TAFA1: variants seen among roughly 807,000 people sequenced by gnomAD.
TAFA1 encodes chemokine-like protein TAFA-1.
A neutral mutation model predicts 18.5 loss-of-function variants in TAFA1; 4 were observed. The observed-to-expected ratio is 0.22, with a 90% CI of 0.11 to 0.49. The LOEUF (loss-of-function observed/expected upper bound fraction) is 0.49. Among genes scored for constraint, TAFA1 ranks in the 20% least tolerant of loss-of-function variants. The pLI is 0.98. For missense variants in TAFA1, 147 were observed against 169.0 expected (o/e 0.87, Z 0.72); for synonymous variants, 56 against 55.2 (o/e 1.01, Z -0.06).
rs370457851 is a variant in TAFA1, at chr3:68,380,231, C to T, written c.119-37049C>T. Among the ~76,000 whole-genome samples the T allele has an allele frequency of 3.8e-3, 575 of 151,840 alleles. 1 individual carries two copies. Among genetic ancestry groups the T allele is most frequent in the African/African-American group, 0.013 (520 of 41,476 alleles). On this transcript the variant is annotated intron_variant, in intron 2 of 4. Coordinates refer to ENST00000478136, the MANE Select transcript of TAFA1 (RefSeq NM_213609.4). ...TGAATACTGCCGCAATAAACATACG[C>T]GTGCATGTGTCTTTATAGCAGCATG...
intron 2 of TAFA1, among the ~76,000 whole-genome samples, chr3:68,413,812 T>C (rs1476609672): frequency 6.6e-6 from 1 of 152,068 alleles, no homozygotes; most frequent in Non-Finnish European, 1.5e-5. Flanking sequence ...GTATGATTTA[T>C]TTTAAGTAGA....
intron 2 of TAFA1, among the ~76,000 whole-genome samples, chr3:68,268,518 TATC>T (rs924385690): frequency 6.6e-6 from 1 of 152,072 alleles, no homozygotes; most frequent in Non-Finnish European, 1.5e-5. Flanking sequence ...TGATGGGTAT[TATC>T]ATCATTTTTT....
chr3:68,520,327 A>G (rs1272279880), intron 3 of TAFA1, among the ~76,000 whole-genome samples: 1 of 152,222 alleles, frequency 6.6e-6, no homozygotes, highest in African/African-American at 2.4e-5. Context: ...TGATTTTAAA[A>G]GAACAATAAA....
the TAFA1 span, among the ~76,000 whole-genome samples, chr3:67,998,839 T>C: frequency 6.6e-6 from 1 of 152,202 alleles, no homozygotes; most frequent in African/African-American, 2.4e-5. Context: ...TATCAACCCA[T>C]AGGAAACCAT....
chr3:68,488,601 A>G (rs1021767731), intron 3 of TAFA1, among the ~76,000 whole-genome samples: 4 of 152,152 alleles, frequency 2.6e-5, no homozygotes, highest in Admixed American at 2.6e-4. Flanking sequence ...ATCTTGAGAA[A>G]ATTCCTCAAA....
chr3:68,493,882 G>T (rs890214217), intron 3 of TAFA1, among the ~76,000 whole-genome samples: 5 of 152,146 alleles, frequency 3.3e-5, no homozygotes, highest in Admixed American at 2.6e-4. Context: ...AATTTGTATT[G>T]ACCCTTTCCC....
intron 2 of TAFA1, among the ~76,000 whole-genome samples, chr3:68,056,852 G>A (rs537903992): frequency 6.6e-6 from 1 of 152,278 alleles, no homozygotes; most frequent in East Asian, 1.9e-4. Flanking sequence ...TTGGCAGCAG[G>A]AATTTGGTGG....
intron 2 of TAFA1, among the ~76,000 whole-genome samples, chr3:68,373,129 A>T (rs2069744688): frequency 6.6e-6 from 1 of 152,174 alleles, no homozygotes; most frequent in South Asian, 2.1e-4. Context: ...CCTGGCACAT[A>T]GCAGGCACAG....
chr3:68,035,429 A>G (rs982694281), intron 2 of TAFA1, among the ~76,000 whole-genome samples: 1 of 152,208 alleles, frequency 6.6e-6, no homozygotes, highest in Non-Finnish European at 1.5e-5. Flanking sequence ...TATCATTAAT[A>G]CTAACTTATT....
intron 2 of TAFA1, among the ~76,000 whole-genome samples, chr3:68,200,781 T>G (rs2066461650): frequency 6.6e-6 from 1 of 151,634 alleles, no homozygotes. Context: ...ATTATCATTT[T>G]AATTATCTTT....
intron 2 of TAFA1, among the ~76,000 whole-genome samples, chr3:68,255,474 A>G (rs757061223): frequency 1.3e-5 from 2 of 152,042 alleles, no homozygotes; most frequent in African/African-American, 2.4e-5. Context: ...TTAGTGTACA[A>G]TCAGTAATCA....
At chr3:68,385,229 G>A (rs988367108) in intron 2 of TAFA1, among the ~76,000 whole-genome samples, 8 of 152,066 alleles carry the variant, frequency 5.3e-5, no homozygotes, top group African/African-American at 1.7e-4. Context: ...GAGGAAGGTG[G>A]AAAGAACTGT....
At chr3:68,213,452 A>G (rs1235826314) in intron 2 of TAFA1, among the ~76,000 whole-genome samples, 3 of 152,050 alleles carry the variant, frequency 2.0e-5, no homozygotes, top group Admixed American at 2.0e-4. Flanking sequence ...GCTTGGCTGT[A>G]TGTAGTTAAG....
intron 2 of TAFA1, among the ~76,000 whole-genome samples, chr3:68,050,578 T>C (rs9309938): frequency 0.51 from 77,555 of 151,948 alleles, 20,180 homozygotes; most frequent in South Asian, 0.64. Flanking sequence ...AGCCCTACCT[T>C]TGTGCTGGCT....
At chr3:68,332,708 C>T (rs1242531976) in intron 2 of TAFA1, among the ~76,000 whole-genome samples, 4 of 152,134 alleles carry the variant, frequency 2.6e-5, no homozygotes, top group African/African-American at 9.7e-5. Context: ...ATCAAAATCA[C>T]TGTGATATCA....
chr3:68,482,725 G>A lies in TAFA1; in HGVS notation c.260-56031G>A, dbSNP rs1447990247. On this transcript the variant is annotated intron_variant, in intron 3 of 4. Transcript: ENST00000478136. ...CAGGCTGACATTAACATAGTTCTGAGCCAATTTAAACAACACATTCTTGTA... is the reference window on the plus strand; with the variant it reads ...CAGGCTGACATTAACATAGTTCTGAACCAATTTAAACAACACATTCTTGTA... Among the ~76,000 whole-genome samples, 4 of 152,296 alleles carry A rather than the reference G, an allele frequency of 2.6e-5. No homozygotes were observed. The Middle Eastern group carries it at 0.01, about 389-fold the overall frequency.
upstream of TAFA1, among the ~76,000 whole-genome samples, chr3:67,999,771 G>A (rs1004058024): frequency 6.6e-6 from 1 of 151,468 alleles, no homozygotes; most frequent in Non-Finnish European, 1.5e-5. Flanking sequence ...CACAGGACAA[G>A]GTGGTCACCC....
At chr3:68,107,605 C>T (rs1328653391) in intron 2 of TAFA1, among the ~76,000 whole-genome samples, 2 of 152,046 alleles carry the variant, frequency 1.3e-5, no homozygotes, top group African/African-American at 4.8e-5. Context: ...ATTGTTTGGA[C>T]CTGAAAGGTA....
intron 2 of TAFA1, among the ~76,000 whole-genome samples, chr3:68,212,014 C>T (rs1170117167): frequency 6.6e-6 from 1 of 151,904 alleles, no homozygotes; most frequent in East Asian, 1.9e-4. Context: ...AAATAGACTG[C>T]CATGAGCTTC....
Sources: allele counts gnomAD v4.1 joint callset (sites outside exome capture counted in the v4.1 genomes callset), GRCh38; gene constraint gnomAD v4.1.1; transcripts MANE v1.5; gene names NCBI Gene and HGNC (gene_info 2026-07-23, HGNC 2026-07-21).